The following DLG2 variants were observed in gnomAD, a reference collection of about 807,000 sequenced individuals.
The protein encoded by DLG2 is discs large MAGUK scaffold protein 2, also known as disks large homolog 2.
A neutral mutation model predicts 132.5 loss-of-function variants in DLG2; 45 were observed. That is an observed-to-expected ratio of 0.34 (90% CI 0.27 to 0.44). The LOEUF (loss-of-function observed/expected upper bound fraction) is 0.44, where lower values mean the gene tolerates loss of function less well. Ranked by LOEUF, DLG2 falls within the 20% of genes least tolerant of loss-of-function variation. The probability of loss-of-function intolerance (pLI) is 1.00; values close to 1 mark genes in which losing one functional copy is unlikely to be tolerated. For missense variants in DLG2, 1,045 were observed against 1,196.9 expected, an observed-to-expected ratio of 0.87 and a Z score of 1.87; for synonymous variants, 424 against 419.6, an observed-to-expected ratio of 1.01 and a Z score of -0.13.
chr11:85,015,315 A>T (rs778165344), intron 6 of DLG2, among the ~76,000 whole-genome samples: 17 of 152,034 alleles, frequency 1.1e-4, no homozygotes, highest in Non-Finnish European at 2.2e-4. Flanking sequence ...AATTTAACAC[A>T]TTAGTTTATG....
At chr11:85,325,214 C>G (rs1248026858) in intron 3 of DLG2, among the ~76,000 whole-genome samples, 1 of 151,524 alleles carries the variant, frequency 6.6e-6, no homozygotes, top group Non-Finnish European at 1.5e-5. Context: ...CGCCATTGCC[C>G]AGGCTTGCTT....
chr11:85,419,622 T>A (rs1167617325), intron 3 of DLG2, among the ~76,000 whole-genome samples: 2 of 152,194 alleles, frequency 1.3e-5, no homozygotes, highest in African/African-American at 4.8e-5. Flanking sequence ...GAAGGCTTTA[T>A]TCATTCCTTT....
chr11:83,972,106 A>G (rs2091449598), intron 12 of DLG2, among the ~76,000 whole-genome samples: 1 of 152,126 alleles, frequency 6.6e-6, no homozygotes, highest in Admixed American at 6.6e-5. Context: ...AAGAAAGTTA[A>G]TTTCTCAAGG....
At chr11:83,687,898 AGGCTG>A (rs1414997839) in intron 18 of DLG2, among the ~76,000 whole-genome samples, 1 of 152,046 alleles carries the variant, frequency 6.6e-6, no homozygotes, top group Non-Finnish European at 1.5e-5. Flanking sequence ...GCTACTCAGC[AGGCTG>A]AGGGAGGAGG....
intron 8 of DLG2, among the ~76,000 whole-genome samples, chr11:84,212,655 G>A (rs2096771183): frequency 6.6e-6 from 1 of 152,086 alleles, no homozygotes; most frequent in African/African-American, 2.4e-5. Flanking sequence ...ATTCAAGTAC[G>A]GTACTTACTT....
At chr11:84,811,900 G>A (rs1218223566) in intron 6 of DLG2, among the ~76,000 whole-genome samples, 1 of 152,132 alleles carries the variant, frequency 6.6e-6, no homozygotes, top group Admixed American at 6.6e-5. Flanking sequence ...TTATTCAGGA[G>A]CTATGAACAG....
chr11:83,703,957 AC>A (rs1414577142), intron 18 of DLG2, among the ~76,000 whole-genome samples: 4 of 152,226 alleles, frequency 2.6e-5, no homozygotes, highest in African/African-American at 9.6e-5. Context: ...AGAAGTGCCC[AC>A]AAAACATTGT....
intron 18 of DLG2, among the ~76,000 whole-genome samples, chr11:83,759,900 C>T (rs2153751182): frequency 6.6e-6 from 1 of 152,306 alleles, no homozygotes; most frequent in Admixed American, 6.5e-5. Flanking sequence ...GTCCCAGATT[C>T]CAAAACTCAC....
intron 21 of DLG2, among the ~76,000 whole-genome samples, chr11:83,522,812 C>T (rs11825698): frequency 8.3e-4 from 113 of 136,176 alleles, no homozygotes; most frequent in African/African-American, 2.7e-3. Context: ...GAGCCCCCCC[C>T]CCCTTTTTTT....
rs1340982198 is a variant in DLG2 at position 84,251,289 on chromosome 11, G to C, written c.522C>G (p.Ala174=). 1 of 1,580,786 alleles carries C rather than the reference G, an allele frequency of 6.3e-7. No individual in the cohort carries two copies. The highest frequency in any genetic ancestry group is 2.3e-5 in the East Asian group (1 of 43,440). Residue 174 remains alanine (A), a splice_region_variant and synonymous_variant, in exon 8 of 28, where the codon GCC becomes GCG. Transcript: ENST00000376104. ...VLQSHISPLK[A]SPAPIIVNTD... is the part of the protein sequence containing the mutation. ...TGTTGACAATTATAGGAGCAGGACT[G>C]GCCTGAAAAAAGAAATAGAAAAAAA...
At position 83,511,173 on chromosome 11, in the gene DLG2, G is replaced by C. The variant is rs144940554; in HGVS notation, c.2193+21535C>G. Among the ~76,000 whole-genome samples the C allele has an allele frequency of 2.6e-3, 400 of 151,070 alleles. 1 individual carries two copies. Among genetic ancestry groups the C allele is most frequent in the Middle Eastern group, 0.02 (6 of 294 alleles). On this transcript the variant is annotated intron_variant, in intron 21 of 27. Coordinates refer to ENST00000376104, the MANE Select transcript of DLG2 (RefSeq NM_001142699.3). ...CAGGTTCATTCTTATTTCTGTACTA[G>C]ACACTAGTGATCACCGGGTGAGTCT...
chr11:83,725,163 C>T (rs2089757159), intron 18 of DLG2: 1 of 439,314 alleles, frequency 2.3e-6, no homozygotes, highest in African/African-American at 2.0e-5. Context: ...TTGGCTATCT[C>T]ACTCACCTCT....
intron 8 of DLG2, among the ~76,000 whole-genome samples, chr11:84,170,445 T>G (rs943881467): frequency 3.9e-5 from 6 of 151,982 alleles, no homozygotes; most frequent in African/African-American, 1.2e-4. Context: ...TAGAGACAAG[T>G]GAATGGAAAC....
At chr11:83,537,542 C>G (rs890488374) in intron 20 of DLG2, among the ~76,000 whole-genome samples, 9 of 151,986 alleles carry the variant, frequency 5.9e-5, no homozygotes, top group African/African-American at 2.2e-4. Flanking sequence ...CAGCCAGGCG[C>G]GGTGGCTTAT....
At chr11:84,870,778 T>C (rs2085350214) in intron 6 of DLG2, among the ~76,000 whole-genome samples, 1 of 152,214 alleles carries the variant, frequency 6.6e-6, no homozygotes, top group Non-Finnish European at 1.5e-5. Context: ...AGAATATAAA[T>C]GTGATCAAGT....
intron 3 of DLG2, among the ~76,000 whole-genome samples, chr11:85,467,140 T>C (rs1365678668): frequency 1.3e-5 from 2 of 152,200 alleles, no homozygotes; most frequent in African/African-American, 4.8e-5. Context: ...AGAATGCTTG[T>C]GATTTTTGCA....
intron 9 of DLG2, among the ~76,000 whole-genome samples, chr11:84,129,842 T>C (rs2094342013): frequency 6.6e-6 from 1 of 151,672 alleles, no homozygotes; most frequent in African/African-American, 2.4e-5. Context: ...GAGTGAACTA[T>C]GAATTATATC....
chr11:83,819,849 T>C (rs1281876406), intron 17 of DLG2, among the ~76,000 whole-genome samples: 2 of 152,184 alleles, frequency 1.3e-5, no homozygotes, highest in Admixed American at 1.3e-4. Flanking sequence ...AGGAGTAACA[T>C]TTCTCATTTT....
chr11:83,984,741 A>C (rs962221727), intron 11 of DLG2, among the ~76,000 whole-genome samples: 1 of 152,134 alleles, frequency 6.6e-6, no homozygotes, highest in Admixed American at 6.6e-5. Context: ...TAGGGTGCAC[A>C]TGATAATTTG....
Sources: allele counts gnomAD v4.1 joint callset (sites outside exome capture counted in the v4.1 genomes callset), GRCh38; gene constraint gnomAD v4.1.1; transcripts MANE v1.5; gene names NCBI Gene and HGNC (gene_info 2026-07-23, HGNC 2026-07-21).